The following HTATSF1 variants were observed in gnomAD, a reference collection of about 807,000 sequenced individuals.
The protein encoded by HTATSF1 is HIV-1 Tat specific factor 1.
Under a neutral mutation model 46.1 loss-of-function variants are expected in HTATSF1, and 6 were observed. The observed-to-expected ratio is 0.13, with a 90% CI of 0.07 to 0.26. The LOEUF (loss-of-function observed/expected upper bound fraction) is 0.26. Among genes scored for constraint, HTATSF1 ranks in the 10% least tolerant of loss-of-function variants. The probability of loss-of-function intolerance (pLI) is 1.00; values close to 1 mark genes in which losing one functional copy is unlikely to be tolerated. For missense variants in HTATSF1, 452 were observed against 559.9 expected (o/e 0.81, Z 1.94); for synonymous variants, 226 against 211.5 (o/e 1.07, Z -0.60).
Position 136,497,890 on chromosome X carries a change from G to T in HTATSF1, c.186+20G>T. 2.7e-6 allele frequency: 3 copies of T among 1,117,441 alleles called. No homozygotes were observed. The highest frequency in any genetic ancestry group is 2.5e-5 in the Admixed American group (1 of 39,646). The allele number at this position is 1,117,441 out of a possible 1,213,427, so 92.1% of individuals were successfully genotyped here. A position where few individuals can be genotyped will look rare whatever the true frequency, so the allele number is the denominator to read the frequency against. On this transcript the variant is annotated intron_variant, in intron 1 of 8. Transcript: ENST00000218364. ...CCCAAGGTAGGAGAGTGCCACGGGC[G>T]CCACTGCAGAGCGGGCCGCCTGGCC...
At chrX:136,497,545 G>C, upstream of HTATSF1, 1 of 428,353 alleles carries the variant, frequency 2.3e-6, no homozygotes. Flanking sequence ...CCCGGGGACT[G>C]CTGGGGCGCA....
At chrX:136,510,695 C>A in intron 8 of HTATSF1, 113 bp from the exon 9 acceptor site, 1 of 845,469 alleles carries the variant, frequency 1.2e-6, no homozygotes, top group Non-Finnish European at 1.6e-6. Flanking sequence ...GCTTTCATTT[C>A]CTAATAAGAG....
chrX:136,507,230 A>AG (rs1271838000), intron 6 of HTATSF1, among the ~76,000 whole-genome samples: 2 of 111,982 alleles, frequency 1.8e-5, no homozygotes, highest in African/African-American at 6.5e-5. Context: ...TTTTGGGTGG[A>AG]GGGGTATATT....
intron 7 of HTATSF1, 67 bp from the exon 8 acceptor site, chrX:136,510,015 G>A: frequency 1.9e-6 from 2 of 1,031,055 alleles, no homozygotes; most frequent in Non-Finnish European, 2.7e-6. Context: ...TACCTACTTT[G>A]TGAAATGTAT....
In HTATSF1 at chrX:136,511,496, A is replaced by G. The variant is rs1383912737; in HGVS notation, c.1751A>G (p.His584Arg). ...GAGGAAGGTTCTGAAAAGGAGCTTCATGAAAATGTTCTTGACAAAGAGTTA... is the reference window on the plus strand; with the variant it reads ...GAGGAAGGTTCTGAAAAGGAGCTTCGTGAAAATGTTCTTGACAAAGAGTTA... Reference protein sequence around the residue: ...LDEEGSEKELHENVLDKELEE... With the variant: ...LDEEGSEKELRENVLDKELEE... The change falls in exon 9 of 9, where the codon CAT (histidine) becomes CGT (arginine). Residue 584 changes from histidine to arginine, a missense_variant. His to Arg is a conservative substitution (Grantham distance 29). Transcript: ENST00000218364. 1 of 1,207,146 alleles carries G rather than the reference A, an allele frequency of 8.3e-7. No individual in the cohort carries two copies. Among genetic ancestry groups the G allele is most frequent in the Admixed American group, 2.2e-5 (1 of 45,078 alleles).
chrX:136,511,010 T>C lies in HTATSF1; in HGVS notation c.1265T>C (p.Phe422Ser). 2 of 1,211,408 alleles carry C rather than the reference T, an allele frequency of 1.7e-6. No individual in the cohort carries two copies. Among genetic ancestry groups the C allele is most frequent in the Non-Finnish European group, 2.2e-6 (2 of 895,374 alleles). The change falls in exon 9 of 9, where the codon TTT (phenylalanine) becomes TCT (serine). Residue 422 changes from phenylalanine (F) to serine (S), a missense_variant. This residue lies in a region of HTATSF1 where 246 missense variants were observed against 245.3 expected (regional missense o/e 1.00). Coordinates refer to ENST00000218364, the MANE Select transcript of HTATSF1 (RefSeq NM_014500.5). ...CAAGAAACTGCAACTGGAATGGCGT[T>C]TGAAGAACCTATAGATGAGAAGAAG... ...NAQETATGMA[F>S]EEPIDEKKFE...
intron 1 of HTATSF1, among the ~76,000 whole-genome samples, 154 bp downstream of exon 1, chrX:136,498,024 A>T (rs2075700517): frequency 8.9e-6 from 1 of 112,695 alleles, no homozygotes; most frequent in African/African-American, 3.2e-5. Flanking sequence ...TGGGGCACCG[A>T]TGTGTAAAAG....
At chrX:136,504,284 T>C (rs1569354044) in intron 5 of HTATSF1, 80 bp from the exon 6 acceptor site, 1 of 621,734 alleles carries the variant, frequency 1.6e-6, no homozygotes, top group Non-Finnish European at 2.6e-6. Context: ...TAAAGTATTG[T>C]ATGAACAACT....
At chrX:136,505,718 G>A (rs904688367) in intron 6 of HTATSF1, among the ~76,000 whole-genome samples, 1 of 111,504 alleles carries the variant, frequency 9.0e-6, no homozygotes, top group Non-Finnish European at 1.9e-5. Flanking sequence ...CCTGAACCCG[G>A]TAGGCAGAGG....
At position 136,511,872 on chromosome X, in the gene HTATSF1, G is replaced by A. The variant is rs1346743951; in HGVS notation, c.2127G>A (p.Glu709=). The A allele has an allele frequency of 8.3e-7, 1 of 1,211,880 alleles. No individual in the cohort carries two copies. Among genetic ancestry groups the A allele is most frequent in the Non-Finnish European group, 1.1e-6 (1 of 895,485 alleles). ...DDDSNEKLFD[E]EEDSSEKLFD... is the part of the protein sequence containing the mutation. Reference sequence around the variant, plus strand: ...ATTCCAATGAGAAGTTGTTTGATGAGGAGGAAGATTCCAGTGAGAAGTTGT... The same window carrying A: ...ATTCCAATGAGAAGTTGTTTGATGAAGAGGAAGATTCCAGTGAGAAGTTGT... The change falls in exon 9 of 9, where the codon GAG becomes GAA. Residue 709 remains glutamate, a synonymous_variant. Coordinates refer to ENST00000218364, the MANE Select transcript of HTATSF1 (RefSeq NM_014500.5).
chrX:136,499,835 T>C (rs1028696109), intron 2 of HTATSF1, 57 bp downstream of exon 2: 7 of 909,099 alleles, frequency 7.7e-6, no homozygotes, highest in African/African-American at 4.0e-5. Flanking sequence ...TGGGTGTGCA[T>C]AGGTACAGTT....
At position 136,511,130 on chromosome X, in the gene HTATSF1, G is replaced by T; in HGVS notation, c.1385G>T (p.Cys462Phe). The T allele has an allele frequency of 8.3e-7, 1 of 1,209,801 alleles. No homozygotes were observed. The highest frequency in any genetic ancestry group is 1.1e-6 in the Non-Finnish European group (1 of 895,031). The change falls in exon 9 of 9, where the codon TGC becomes TTC. Residue 462 changes from cysteine to phenylalanine, a missense_variant. This residue lies in a region of HTATSF1 where 246 missense variants were observed against 245.3 expected (regional missense o/e 1.00). Coordinates refer to ENST00000218364, the MANE Select transcript of HTATSF1 (RefSeq NM_014500.5). ...CCCGAAAAAGAGGCTGAAGAAGGCT[G>T]CCCTGAAAAAGAATCTGAAGAGGGC... ...SSPEKEAEEG[C>F]PEKESEEGCP...
In HTATSF1 at chrX:136,511,600, G is replaced by C. The variant is rs1244163580; in HGVS notation, c.1855G>C (p.Glu619Gln). The change falls in exon 9 of 9, where the codon GAG becomes CAG. Residue 619 changes from glutamate (E) to glutamine (Q), a missense_variant. Physicochemically the swap from Glu to Gln is conservative, Grantham distance 29. Coordinates refer to ENST00000218364, the MANE Select transcript of HTATSF1 (RefSeq NM_014500.5). ...GTTAGATGAGGAAGGCTCTGAGAGA[G>C]AGTTTGACGAAGATTCAGATGAAAA... Reference protein sequence around the residue: ...KVLDEEGSEREFDEDSDEKEE... With the variant: ...KVLDEEGSERQFDEDSDEKEE... 3.3e-6 allele frequency: 4 copies of C among 1,211,152 alleles called. No homozygotes were observed. The highest frequency in any genetic ancestry group is 4.3e-5 in the Admixed American group (2 of 46,010).
At chrX:136,508,949 TTAAAAAATTG>T in intron 6 of HTATSF1, 132 bp from the exon 7 acceptor site, 2 of 465,149 alleles carry the variant, frequency 4.3e-6, no homozygotes, top group African/African-American at 4.8e-5. Flanking sequence ...TTTTGAGTTT[TTAAAAAATTG>T]TATAGAATGA....
chrX:136,509,234 T>G, intron 7 of HTATSF1, 54 bp downstream of exon 7: 1 of 865,225 alleles, frequency 1.2e-6, no homozygotes, highest in Non-Finnish European at 1.7e-6. Context: ...CTCCACCTTA[T>G]AAGTTCTTCT....
intron 1 of HTATSF1, among the ~76,000 whole-genome samples, chrX:136,499,235 T>A (rs902229019): frequency 8.9e-6 from 1 of 112,594 alleles, no homozygotes; most frequent in Non-Finnish European, 1.9e-5. Context: ...TTTATTGTTT[T>A]ATTATCTGGT....
At chrX:136,503,719 G>A (rs1342633156) in intron 5 of HTATSF1, among the ~76,000 whole-genome samples, 1 of 111,529 alleles carries the variant, frequency 9.0e-6, no homozygotes, top group Non-Finnish European at 1.9e-5. Flanking sequence ...TAGCCTCAAG[G>A]TATATCTTTC....
chrX:136,510,556 A>G (rs1052706793), intron 8 of HTATSF1, among the ~76,000 whole-genome samples: 2 of 112,399 alleles, frequency 1.8e-5, no homozygotes, highest in African/African-American at 6.5e-5. Context: ...GACAGAGCTC[A>G]AATATTAACT....
intron 5 of HTATSF1, among the ~76,000 whole-genome samples, chrX:136,503,147 A>G (rs1273157844): frequency 8.9e-6 from 1 of 111,954 alleles, no homozygotes; most frequent in Non-Finnish European, 1.9e-5. Context: ...TCTATTTGTA[A>G]TATAATAAGG....
Sources: gnomAD v4.1 joint callset for allele counts (sites outside exome capture counted in the v4.1 genomes callset) on GRCh38, gnomAD v4.1.1 for gene constraint, gnomAD v4.1.1 regional missense constraint, MANE v1.5 for transcripts, NCBI Gene and HGNC (gene_info 2026-07-23, HGNC 2026-07-21) for gene names.